ATRX: variants seen among roughly 807,000 people sequenced by gnomAD.
The protein encoded by ATRX is chromatin remodeler ATRX.
In ATRX, 12 loss-of-function variants were observed where a neutral mutation model predicts 172.6. The observed-to-expected ratio is 0.07, with a 90% CI of 0.04 to 0.11. ATRX has a LOEUF of 0.11. Among genes scored for constraint, ATRX ranks in the 10% least tolerant of loss-of-function variants. The pLI, the probability that ATRX is intolerant of heterozygous loss-of-function variation, is 1.00. For synonymous variants in ATRX, 674 were observed against 594.7 expected, an observed-to-expected ratio of 1.13 and a Z score of -1.94; for missense variants, 1,368 against 1,767.4, an observed-to-expected ratio of 0.77 and a Z score of 4.05.
At chrX:77,528,046 G>A (rs1218270968) in intron 30 of ATRX, among the ~76,000 whole-genome samples, 4 of 105,936 alleles carry the variant, frequency 3.8e-5, no homozygotes, top group Non-Finnish European at 7.8e-5. Context: ...GGTGGTGGGG[G>A]GGTGGGGGGC....
chrX:77,712,075 T>C (rs1435372581), intron 2 of ATRX, among the ~76,000 whole-genome samples: 1 of 111,979 alleles, frequency 8.9e-6, no homozygotes, highest in African/African-American at 3.2e-5. Flanking sequence ...TCTACTCATG[T>C]TACAGCTGCT....
At chrX:77,740,690 A>C (rs1248735060) in intron 1 of ATRX, among the ~76,000 whole-genome samples, 6 of 110,418 alleles carry the variant, frequency 5.4e-5, no homozygotes, top group Non-Finnish European at 9.5e-5. Context: ...ATTACAAAAC[A>C]CTTCCCCTCC....
chrX:77,610,563 T>C (rs944336822), intron 22 of ATRX, among the ~76,000 whole-genome samples: 1 of 111,439 alleles, frequency 9.0e-6, no homozygotes, highest in Admixed American at 9.6e-5. Context: ...TTAATACACA[T>C]TATAAACACA....
At chrX:77,743,061 G>A (rs949209870) in intron 1 of ATRX, among the ~76,000 whole-genome samples, 9 of 110,974 alleles carry the variant, frequency 8.1e-5, no homozygotes, top group Admixed American at 3.9e-4. Context: ...TCTGCCTGGT[G>A]TGGGATGCAG....
At chrX:77,776,779 G>T (rs2076365230) in intron 1 of ATRX, among the ~76,000 whole-genome samples, 2 of 112,039 alleles carry the variant, frequency 1.8e-5, no homozygotes, top group Non-Finnish European at 3.8e-5. Flanking sequence ...TTGTACAACA[G>T]ATGTAAATAT....
intron 11 of ATRX, among the ~76,000 whole-genome samples, chrX:77,664,251 TTTCTTCTTC>T (rs200213091): frequency 9.0e-6 from 1 of 111,024 alleles, no homozygotes; most frequent in South Asian, 3.7e-4. Flanking sequence ...AGAGATTTTT[TTTCTTCTTC>T]TTCTTCTTCT....
rs112565838 is a variant in ATRX, at chrX:77,587,982, G to A, written c.6217+1852C>T. Among the ~76,000 whole-genome samples, 234 of 111,752 alleles carry A rather than the reference G, an allele frequency of 2.1e-3. 2 individuals carry two copies. Among genetic ancestry groups the A allele is most frequent in the African/African-American group, 7.0e-3 (217 of 30,793 alleles). The stretch of plus-strand genomic sequence containing the variant: ...TATAGGAGATTCTAAGGTTGATGTT[G>A]AATTCCAAGAGATCTGGAATAGCCA... On this transcript the variant is annotated intron_variant, in intron 27 of 34. Transcript: ENST00000373344.
intron 30 of ATRX, among the ~76,000 whole-genome samples, chrX:77,544,211 T>C (rs997510338): frequency 1.8e-5 from 2 of 111,178 alleles, no homozygotes; most frequent in Non-Finnish European, 3.8e-5. Context: ...AGCGGATGGG[T>C]ATATGAATAT....
chrX:77,729,415 T>C (rs1335000925), intron 1 of ATRX, among the ~76,000 whole-genome samples: 2 of 112,243 alleles, frequency 1.8e-5, no homozygotes, highest in Non-Finnish European at 3.8e-5. Flanking sequence ...ATTTTTCTTC[T>C]ACCTTTTTGG....
At chrX:77,609,677 A>G (rs1355321402) in intron 22 of ATRX, among the ~76,000 whole-genome samples, 1 of 111,288 alleles carries the variant, frequency 9.0e-6, no homozygotes, top group East Asian at 2.8e-4. Context: ...GGGTTTCACC[A>G]TGTTGGCTAG....
In ATRX at chrX:77,582,224, A is replaced by G. The variant is rs782044900; in HGVS notation, c.6217+7610T>C. ...AGACCAGCCTGGCCAACACAGTGAA[A>G]CCCTGTCTCTACTAAAAATACAAAA... On this transcript the variant is annotated intron_variant, in intron 27 of 34. Coordinates refer to ENST00000373344, the MANE Select transcript of ATRX (RefSeq NM_000489.6). Among the ~76,000 whole-genome samples the G allele has an allele frequency of 6.3e-5, 7 of 110,259 alleles. No individual in the cohort carries two copies. The Admixed American group carries it at 6.8e-4, about 11-fold the overall frequency.
chrX:77,692,045 C>A (rs2071920658), intron 6 of ATRX, among the ~76,000 whole-genome samples: 1 of 111,752 alleles, frequency 8.9e-6, no homozygotes, highest in Non-Finnish European at 1.9e-5. Context: ...ACCAAAGTGG[C>A]ACTAGGAATA....
intron 7 of ATRX, among the ~76,000 whole-genome samples, chrX:77,686,510 G>A (rs1184263390): frequency 8.9e-6 from 1 of 111,782 alleles, no homozygotes; most frequent in African/African-American, 3.3e-5. Flanking sequence ...GAGGTCAGGA[G>A]TTCAAGACCA....
chrX:77,531,502 T>A (rs1557046374), intron 30 of ATRX, among the ~76,000 whole-genome samples: 1 of 112,073 alleles, frequency 8.9e-6, no homozygotes, highest in Non-Finnish European at 1.9e-5. Flanking sequence ...ATGTGATTCA[T>A]CACATAAACA....
chrX:77,600,393 T>A (rs782214628), intron 23 of ATRX, 41 bp downstream of exon 23: 59 of 1,202,532 alleles, frequency 4.9e-5, no homozygotes, highest in Middle Eastern at 4.6e-4. Flanking sequence ...AAGTTTATTC[T>A]GCTTCCAATA....
At chrX:77,554,150 T>TA (rs1391745233) in intron 30 of ATRX, among the ~76,000 whole-genome samples, 2 of 109,984 alleles carry the variant, frequency 1.8e-5, no homozygotes, top group African/African-American at 6.6e-5. Context: ...ACTAAAAATA[T>TA]AAAAATTAGC....
intron 1 of ATRX, among the ~76,000 whole-genome samples, chrX:77,741,868 A>G (rs1410197386): frequency 1.8e-5 from 2 of 112,056 alleles, no homozygotes; most frequent in African/African-American, 6.5e-5. Context: ...AATCATTGCC[A>G]AATCCCAGGT....
At chrX:77,646,947 C>G (rs1381935728) in intron 15 of ATRX, among the ~76,000 whole-genome samples, 1 of 108,362 alleles carries the variant, frequency 9.2e-6, no homozygotes, top group Admixed American at 9.9e-5. Flanking sequence ...AAAAATAGAC[C>G]TAACAGACAT....
intron 30 of ATRX, among the ~76,000 whole-genome samples, chrX:77,556,249 G>C (rs868940665): frequency 6.3e-5 from 2 of 31,756 alleles, no homozygotes. Context: ...GAGAGAGGGA[G>C]AGAGGGAGAG....
Sources: gnomAD v4.1 joint callset for allele counts (sites outside exome capture counted in the v4.1 genomes callset) on GRCh38, gnomAD v4.1.1 for gene constraint, MANE v1.5 for transcripts, NCBI Gene and HGNC (gene_info 2026-07-23, HGNC 2026-07-21) for gene names.